The following LRBA variants were observed in gnomAD, a reference collection of about 807,000 sequenced individuals.
The protein encoded by LRBA is lipopolysaccharide-responsive and beige-like anchor protein.
LRBA carries 176 observed loss-of-function variants against 330.0 expected under a neutral mutation model. The ratio of observed to expected loss-of-function variants is 0.53; its 90% CI spans 0.47 to 0.60. The LOEUF (loss-of-function observed/expected upper bound fraction) is 0.60. Among genes scored for constraint, LRBA ranks in the 20% least tolerant of loss-of-function variants. The pLI is 0.00. For synonymous variants in LRBA, 1,230 were observed against 1,193.0 expected (o/e 1.03, Z -0.64); for missense variants, 3,259 against 3,444.8 (o/e 0.95, Z 1.35).
chr4:150,563,021 C>T (rs768340813), intron 40 of LRBA, among the ~76,000 whole-genome samples: 11 of 152,078 alleles, frequency 7.2e-5, no homozygotes, highest in Non-Finnish European at 1.5e-4. Flanking sequence ...GACTGGGTTA[C>T]TCAGGGCTCA....
intron 37 of LRBA, among the ~76,000 whole-genome samples, chr4:150,664,856 T>C (rs1781433618): frequency 6.6e-6 from 1 of 152,180 alleles, no homozygotes; most frequent in Non-Finnish European, 1.5e-5. Flanking sequence ...TTTTATAAAA[T>C]AAAACATTAC....
chr4:150,809,739 C>T (rs1045648493), intron 31 of LRBA, among the ~76,000 whole-genome samples: 1 of 152,104 alleles, frequency 6.6e-6, no homozygotes, highest in Non-Finnish European at 1.5e-5. Context: ...CCTGTGGTCC[C>T]AGCTAGGTCC....
chr4:150,789,936 T>A lies in LRBA; in HGVS notation c.5580+8145A>T, dbSNP rs148061114. On this transcript the variant is annotated intron_variant, in intron 34 of 56. Transcript: ENST00000651943. ...AAATGTTATGCTCAGAATATTCCCA[T>A]TTGTGTATTTCTCCCTTTTCCTAAC... is the stretch of plus-strand genomic sequence containing the variant. 4.9e-3 allele frequency among the ~76,000 whole-genome samples: 753 copies of A among 152,298 alleles called. 19 individuals carry two copies. Among genetic ancestry groups the A allele is most frequent in the Admixed American group, 0.039 (602 of 15,304 alleles).
intron 38 of LRBA, among the ~76,000 whole-genome samples, chr4:150,592,566 C>T (rs1022441673): frequency 6.6e-6 from 1 of 152,166 alleles, no homozygotes; most frequent in African/African-American, 2.4e-5. Flanking sequence ...AAGCTACACA[C>T]ATATGATGGT....
intron 53 of LRBA, among the ~76,000 whole-genome samples, chr4:150,293,884 T>C (rs746832902): frequency 1.3e-5 from 2 of 152,354 alleles, no homozygotes; most frequent in African/African-American, 2.4e-5. Flanking sequence ...ACTTAATGCA[T>C]AGTAAATATA....
At chr4:150,310,100 C>T in intron 52 of LRBA, 129 bp downstream of exon 52, 1 of 617,850 alleles carries the variant, frequency 1.6e-6, no homozygotes, top group Non-Finnish European at 2.9e-6. Flanking sequence ...AAACAATGCC[C>T]TCTTCTCCCT....
At chr4:150,485,664 T>C (rs1471158980) in intron 42 of LRBA, among the ~76,000 whole-genome samples, 1 of 151,872 alleles carries the variant, frequency 6.6e-6, no homozygotes, top group Admixed American at 6.6e-5. Flanking sequence ...CCTTCCCTCA[T>C]AGCCCTCAGA....
chr4:150,730,925 T>G (rs775465503), intron 36 of LRBA, among the ~76,000 whole-genome samples: 34 of 151,862 alleles, frequency 2.2e-4, no homozygotes, highest in Non-Finnish European at 3.7e-4. Context: ...GGCTGAGTCA[T>G]GAGAATCGCC....
chr4:150,984,831 G>C (rs1402582798), intron 2 of LRBA, among the ~76,000 whole-genome samples: 1 of 152,084 alleles, frequency 6.6e-6, no homozygotes, highest in Non-Finnish European at 1.5e-5. Context: ...AAGGAAAAAA[G>C]TAAATGGAAT....
Position 150,682,108 on chromosome 4 carries a change from A to G in LRBA, c.5921+1443T>C, listed in dbSNP as rs569548996. On this transcript the variant is annotated intron_variant, in intron 37 of 56. Transcript: ENST00000651943. ...CTGCAAAACCTTTTGGGTGAAAAGAATAACTTTTTAAAAAGATTCAACAAA... is the reference window on the plus strand; with the variant it reads ...CTGCAAAACCTTTTGGGTGAAAAGAGTAACTTTTTAAAAAGATTCAACAAA... Among the ~76,000 whole-genome samples the G allele has an allele frequency of 1.3e-5, 2 of 152,318 alleles. 1 individual carries two copies. Among genetic ancestry groups the G allele is most frequent in the South Asian group, 4.1e-4 (2 of 4,828 alleles).
chr4:150,835,896 G>C (rs1040576606), intron 28 of LRBA, among the ~76,000 whole-genome samples: 1 of 152,190 alleles, frequency 6.6e-6, no homozygotes, highest in Non-Finnish European at 1.5e-5. Context: ...CAAAGGGAAT[G>C]CTTCCAGTTT....
At chr4:150,771,057 T>C (rs1224413170) in intron 34 of LRBA, among the ~76,000 whole-genome samples, 1 of 152,000 alleles carries the variant, frequency 6.6e-6, no homozygotes, top group African/African-American at 2.4e-5. Flanking sequence ...TGGGAAGCAA[T>C]CTTAACTTCC....
chr4:150,423,866 A>G (rs563440885), intron 46 of LRBA, among the ~76,000 whole-genome samples: 1 of 152,350 alleles, frequency 6.6e-6, no homozygotes, highest in Non-Finnish European at 1.5e-5. Context: ...ACAGATCTAA[A>G]TCAGTAATAG....
intron 37 of LRBA, among the ~76,000 whole-genome samples, chr4:150,671,008 G>GTA (rs1782005076): frequency 6.9e-6 from 1 of 145,476 alleles, no homozygotes; most frequent in Admixed American, 6.9e-5. Context: ...TGATGTGTGT[G>GTA]TGTGTGTGTG....
intron 8 of LRBA, among the ~76,000 whole-genome samples, chr4:150,914,654 A>C (rs1213756672): frequency 6.6e-6 from 1 of 152,178 alleles, no homozygotes; most frequent in Non-Finnish European, 1.5e-5. Context: ...TGAAGATTAT[A>C]ATAATGCTTA....
intron 37 of LRBA, among the ~76,000 whole-genome samples, chr4:150,603,046 C>T (rs967415931): frequency 6.6e-6 from 1 of 152,166 alleles, no homozygotes; most frequent in Admixed American, 6.5e-5. Context: ...CACTCATATC[C>T]ATTTCCACTA....
At chr4:150,592,155 T>G (rs1772952609) in intron 38 of LRBA, among the ~76,000 whole-genome samples, 1 of 142,688 alleles carries the variant, frequency 7.0e-6, no homozygotes, top group Admixed American at 7.0e-5. Flanking sequence ...TTTTTTTTTT[T>G]TTTTTTTTTT....
rs182030472 is a variant in LRBA at position 150,909,334 on chromosome 4, G to C, written c.1162-477C>G. Among the ~76,000 whole-genome samples the C allele has an allele frequency of 1.7e-3, 264 of 152,204 alleles. 3 individuals are homozygous for C. Among genetic ancestry groups the C allele is most frequent in the South Asian group, 0.014 (66 of 4,826 alleles). On this transcript the variant is annotated intron_variant, in intron 9 of 56. Coordinates refer to ENST00000651943, the MANE Select transcript of LRBA (RefSeq NM_001364905.1). The stretch of plus-strand genomic sequence containing the variant: ...ACAATTCTACTTTCTGTTTCTATGA[G>C]TTGGACTCTTAGATACCTCGTATAA...
intron 44 of LRBA, among the ~76,000 whole-genome samples, chr4:150,455,508 C>T (rs972443880): frequency 1.3e-5 from 2 of 151,904 alleles, no homozygotes; most frequent in African/African-American, 4.8e-5. Flanking sequence ...TGGAAATCAT[C>T]ATTCTCAATG....
Sources: gnomAD v4.1 joint callset for allele counts (sites outside exome capture counted in the v4.1 genomes callset) on GRCh38, gnomAD v4.1.1 for gene constraint, MANE v1.5 for transcripts, NCBI Gene and HGNC (gene_info 2026-07-23, HGNC 2026-07-21) for gene names.